The following GPC6 variants were observed in gnomAD, a reference collection of about 807,000 sequenced individuals.
GPC6 encodes glypican 6.
Under a neutral mutation model 55.2 loss-of-function variants are expected in GPC6, and 14 were observed. The observed-to-expected ratio is 0.25, with a 90% CI of 0.17 to 0.40. The LOEUF (loss-of-function observed/expected upper bound fraction) is 0.40. GPC6 is among the 10% of genes least tolerant of loss of function. The pLI is 1.00. For synonymous variants in GPC6, 278 were observed against 259.6 expected (o/e 1.07, Z -0.68); for missense variants, 641 against 708.5 (o/e 0.90, Z 1.08).
chr13:93,778,654 A>G lies in GPC6; in HGVS notation c.320-51500A>G, dbSNP rs546652053. Among the ~76,000 whole-genome samples, 6 of 152,280 alleles carry G rather than the reference A, an allele frequency of 3.9e-5. No homozygotes were observed. The East Asian group carries it at 1.2e-3, about 29-fold the overall frequency. On this transcript the variant is annotated intron_variant, in intron 2 of 8. Coordinates refer to ENST00000377047, the MANE Select transcript of GPC6 (RefSeq NM_005708.5). ...GCACCTGTTGTTACACCAAGCTTCTATACCAGGACAAATTATTTATTTCAC... is the reference window on the plus strand; with the variant it reads ...GCACCTGTTGTTACACCAAGCTTCTGTACCAGGACAAATTATTTATTTCAC...
intron 4 of GPC6, among the ~76,000 whole-genome samples, chr13:94,258,701 A>G (rs772926696): frequency 6.6e-6 from 1 of 152,224 alleles, no homozygotes. Flanking sequence ...ACACTGAACT[A>G]TGTCCATTCA....
the GPC6 span, among the ~76,000 whole-genome samples, chr13:93,219,361 G>T: frequency 2.0e-5 from 3 of 152,118 alleles, no homozygotes; most frequent in East Asian, 5.8e-4. Flanking sequence ...CAAAGTGTTG[G>T]GATTACAGGC....
intron 4 of GPC6, among the ~76,000 whole-genome samples, chr13:94,125,884 A>G (rs1389579340): frequency 6.6e-6 from 1 of 152,182 alleles, no homozygotes; most frequent in Non-Finnish European, 1.5e-5. Context: ...TATGCATTTT[A>G]TGAAATAAGT....
intron 2 of GPC6, among the ~76,000 whole-genome samples, chr13:93,651,409 G>C (rs1445157500): frequency 1.3e-5 from 2 of 152,064 alleles, no homozygotes; most frequent in Admixed American, 6.5e-5. Flanking sequence ...CTGAGCCTCA[G>C]GAAGGTCAGT....
chr13:94,294,856 G>A (rs527619089), intron 5 of GPC6, among the ~76,000 whole-genome samples: 10 of 151,946 alleles, frequency 6.6e-5, no homozygotes, highest in South Asian at 4.2e-4. Context: ...CTTTTTTTAC[G>A]GTTATTTTTG....
At chr13:93,777,064 C>T (rs1458237668) in intron 2 of GPC6, among the ~76,000 whole-genome samples, 1 of 152,110 alleles carries the variant, frequency 6.6e-6, no homozygotes, top group Non-Finnish European at 1.5e-5. Flanking sequence ...CAGCAAATTC[C>T]AAAAAGGACA....
At chr13:93,730,174 A>G (rs535428012) in intron 2 of GPC6, among the ~76,000 whole-genome samples, 1 of 152,268 alleles carries the variant, frequency 6.6e-6, no homozygotes, top group African/African-American at 2.4e-5. Context: ...CTCACCATCT[A>G]GAATACAGAG....
intron 2 of GPC6, among the ~76,000 whole-genome samples, chr13:93,750,995 G>C (rs998916636): frequency 1.3e-5 from 2 of 152,114 alleles, no homozygotes; most frequent in African/African-American, 4.8e-5. Flanking sequence ...TGTGCAAAAG[G>C]AGGGAGGAAA....
At chr13:93,368,095 T>C (rs1159765215) in intron 1 of GPC6, among the ~76,000 whole-genome samples, 3 of 152,156 alleles carry the variant, frequency 2.0e-5, no homozygotes, top group Non-Finnish European at 4.4e-5. Flanking sequence ...CTTCAAATAC[T>C]TTTGTAGCTC....
chr13:94,103,134 G>C (rs1471792603), intron 4 of GPC6, among the ~76,000 whole-genome samples: 2 of 152,108 alleles, frequency 1.3e-5, no homozygotes, highest in African/African-American at 4.8e-5. Flanking sequence ...AGAACATGTG[G>C]TGTTTGGTTT....
chr13:93,743,363 TA>T (rs1362113292), intron 2 of GPC6, among the ~76,000 whole-genome samples: 1 of 152,108 alleles, frequency 6.6e-6, no homozygotes, highest in Non-Finnish European at 1.5e-5. Flanking sequence ...ATAAAAAAAT[TA>T]AAAAACGATA....
At chr13:94,351,705 C>G (rs1249344485) in intron 6 of GPC6, among the ~76,000 whole-genome samples, 2 of 151,936 alleles carry the variant, frequency 1.3e-5, no homozygotes, top group Non-Finnish European at 2.9e-5. Flanking sequence ...ATGACCTTAA[C>G]CCCCCACCCT....
intron 4 of GPC6, among the ~76,000 whole-genome samples, chr13:94,042,339 T>C (rs1883572349): frequency 6.6e-6 from 1 of 151,860 alleles, no homozygotes; most frequent in Admixed American, 6.6e-5. Flanking sequence ...TGGTATTTCT[T>C]TATAGCAATG....
chr13:93,379,170 C>T (rs974785390), intron 1 of GPC6, among the ~76,000 whole-genome samples: 56 of 152,142 alleles, frequency 3.7e-4, no homozygotes, highest in African/African-American at 1.3e-3. Flanking sequence ...CCTCCCACCT[C>T]AGCTTCTTAA....
At chr13:93,851,829 C>T (rs1888412494) in intron 3 of GPC6, among the ~76,000 whole-genome samples, 1 of 151,560 alleles carries the variant, frequency 6.6e-6, no homozygotes, top group Non-Finnish European at 1.5e-5. Flanking sequence ...CCACTTGTTA[C>T]CTAGTGAAAT....
At chr13:93,300,977 C>A (rs573348059) in intron 1 of GPC6, among the ~76,000 whole-genome samples, 1 of 152,216 alleles carries the variant, frequency 6.6e-6, no homozygotes, top group South Asian at 2.1e-4. Context: ...CAAGATTGTG[C>A]CATTGCACTC....
At chr13:93,256,835 AG>A (rs2139035684) in intron 1 of GPC6, among the ~76,000 whole-genome samples, 1 of 152,316 alleles carries the variant, frequency 6.6e-6, no homozygotes, top group Non-Finnish European at 1.5e-5. Context: ...GTGTCATCAA[AG>A]GTATTTCACA....
intron 3 of GPC6, among the ~76,000 whole-genome samples, chr13:93,971,116 T>A (rs1880265904): frequency 6.6e-6 from 1 of 152,212 alleles, no homozygotes; most frequent in Non-Finnish European, 1.5e-5. Context: ...CATTCAATTT[T>A]AATAAATCAA....
chr13:93,997,830 G>T (rs1881626831), intron 3 of GPC6, among the ~76,000 whole-genome samples: 1 of 152,134 alleles, frequency 6.6e-6, no homozygotes, highest in Admixed American at 6.6e-5. Flanking sequence ...GACTGCAAGG[G>T]TCCTGCTGCA....
Sources: gnomAD v4.1 joint callset for allele counts (sites outside exome capture counted in the v4.1 genomes callset) on GRCh38, gnomAD v4.1.1 for gene constraint, MANE v1.5 for transcripts, NCBI Gene and HGNC (gene_info 2026-07-23, HGNC 2026-07-21) for gene names.